The following HTR2C variants were observed in gnomAD, a reference collection of about 807,000 sequenced individuals.
HTR2C encodes 5-hydroxytryptamine receptor 2C.
In HTR2C, 5 loss-of-function variants were observed where a neutral mutation model predicts 21.0. The observed-to-expected ratio is 0.24, with a 90% CI of 0.12 to 0.50. HTR2C has a LOEUF of 0.50. Among genes scored for constraint, HTR2C ranks in the 20% least tolerant of loss-of-function variants. HTR2C has a pLI of 0.98. For synonymous variants in HTR2C, 150 were observed against 145.3 expected, an observed-to-expected ratio of 1.03 and a Z score of -0.23; for missense variants, 271 against 371.2, an observed-to-expected ratio of 0.73 and a Z score of 2.22.
chrX:114,663,558 A>G (rs1433603274), intron 2 of HTR2C, among the ~76,000 whole-genome samples: 1 of 111,416 alleles, frequency 9.0e-6, no homozygotes, highest in African/African-American at 3.3e-5. Flanking sequence ...AATTATTTTT[A>G]TCTCCCTATA....
At chrX:114,739,739 A>G (rs1229994054) in intron 4 of HTR2C, among the ~76,000 whole-genome samples, 1 of 112,036 alleles carries the variant, frequency 8.9e-6, no homozygotes, top group East Asian at 2.8e-4. Flanking sequence ...AATTCTTTAT[A>G]ACTGAAGTAG....
At chrX:114,791,650 A>G (rs968104895) in intron 4 of HTR2C, among the ~76,000 whole-genome samples, 4 of 111,155 alleles carry the variant, frequency 3.6e-5, no homozygotes, top group African/African-American at 1.3e-4. Flanking sequence ...TCATTCATTC[A>G]TTCAGATACT....
At chrX:114,871,188 G>T (rs2071089093) in intron 5 of HTR2C, among the ~76,000 whole-genome samples, 1 of 111,122 alleles carries the variant, frequency 9.0e-6, no homozygotes, top group African/African-American at 3.3e-5. Context: ...TGACCCACTG[G>T]TCATTCAGGA....
intron 2 of HTR2C, among the ~76,000 whole-genome samples, chrX:114,683,135 T>C (rs1931800005): frequency 8.9e-6 from 1 of 111,827 alleles, no homozygotes; most frequent in Non-Finnish European, 1.9e-5. Context: ...TTTGGAAACG[T>C]AGACTGTTTT....
intron 2 of HTR2C, among the ~76,000 whole-genome samples, chrX:114,646,008 TACTTGA>T (rs1330290455): frequency 8.9e-6 from 1 of 112,106 alleles, no homozygotes; most frequent in Non-Finnish European, 1.9e-5. Flanking sequence ...AGGATTTTTG[TACTTGA>T]ACTTAAAAGA....
intron 5 of HTR2C, among the ~76,000 whole-genome samples, chrX:114,865,560 A>G: frequency 9.0e-6 from 1 of 111,496 alleles, no homozygotes; most frequent in East Asian, 2.8e-4. Flanking sequence ...CAGGCTTACA[A>G]TTCTTGCTAT....
intron 5 of HTR2C, among the ~76,000 whole-genome samples, chrX:114,869,183 A>G (rs2071071899): frequency 9.0e-6 from 1 of 111,363 alleles, no homozygotes; most frequent in Non-Finnish European, 1.9e-5. Flanking sequence ...ATCCTTTTTT[A>G]TGGCTGCATA....
At chrX:114,663,541 T>G (rs1159266910) in intron 2 of HTR2C, among the ~76,000 whole-genome samples, 7 of 111,381 alleles carry the variant, frequency 6.3e-5, no homozygotes, top group African/African-American at 2.0e-4. Context: ...AATACACACT[T>G]GATAAAAATT....
rs183667196 is a variant in HTR2C at position 114,769,744 on chromosome X, T to G, written c.349+38137T>G. Among the ~76,000 whole-genome samples the G allele has an allele frequency of 5.2e-4, 58 of 111,762 alleles. 1 individual carries two copies. Among genetic ancestry groups the G allele is most frequent in the African/African-American group, 1.8e-3 (56 of 30,925 alleles). On this transcript the variant is annotated intron_variant, in intron 4 of 5. Transcript: ENST00000276198. ...ATCATTGTCATGCAAATTACATTTT[T>G]ATACATTATAATGCATCAAAATAGT...
chrX:114,752,622 G>C (rs2069771248), intron 4 of HTR2C, among the ~76,000 whole-genome samples: 1 of 110,821 alleles, frequency 9.0e-6, no homozygotes, highest in South Asian at 3.8e-4. Context: ...TTTGCATACA[G>C]ATTGGCAAAA....
intron 2 of HTR2C, among the ~76,000 whole-genome samples, chrX:114,709,172 G>C (rs1932855080): frequency 9.0e-6 from 1 of 111,525 alleles, no homozygotes; most frequent in Admixed American, 9.5e-5. Context: ...CTATTTCTTT[G>C]TTGTTAATTG....
chrX:114,733,869 C>T (rs1462169771), intron 4 of HTR2C, among the ~76,000 whole-genome samples: 1 of 110,570 alleles, frequency 9.0e-6, no homozygotes, highest in African/African-American at 3.3e-5. Context: ...TACCAAGCTA[C>T]TATAGAAAAA....
chrX:114,841,630 A>G (rs2070834591), intron 4 of HTR2C, among the ~76,000 whole-genome samples: 2 of 110,609 alleles, frequency 1.8e-5, no homozygotes, highest in Admixed American at 9.6e-5. Context: ...AGTCCCAGCT[A>G]CTTGGGAGGC....
At chrX:114,740,626 T>C (rs1444660344) in intron 4 of HTR2C, among the ~76,000 whole-genome samples, 1 of 111,707 alleles carries the variant, frequency 9.0e-6, no homozygotes, top group East Asian at 2.8e-4. Context: ...ATGGGATTTA[T>C]TTTTTAAAAT....
intron 2 of HTR2C, among the ~76,000 whole-genome samples, chrX:114,668,774 G>C (rs782622341): frequency 9.0e-6 from 1 of 111,046 alleles, no homozygotes; most frequent in Non-Finnish European, 1.9e-5. Flanking sequence ...AAATGGAAGA[G>C]AGATTATATA....
intron 4 of HTR2C, among the ~76,000 whole-genome samples, chrX:114,824,994 A>C (rs781873854): frequency 8.9e-6 from 1 of 112,025 alleles, no homozygotes; most frequent in South Asian, 3.7e-4. Flanking sequence ...GATAATTGAT[A>C]ATGTGTGGCT....
chrX:114,871,285 A>T (rs1344456049), intron 5 of HTR2C, among the ~76,000 whole-genome samples: 1 of 111,841 alleles, frequency 8.9e-6, no homozygotes, highest in African/African-American at 3.2e-5. Flanking sequence ...GTGGTCAAAG[A>T]TGCTTGATAT....
At chrX:114,712,197 T>C (rs1039095275) in intron 2 of HTR2C, among the ~76,000 whole-genome samples, 1 of 111,894 alleles carries the variant, frequency 8.9e-6, no homozygotes, top group Non-Finnish European at 1.9e-5. Flanking sequence ...TCTCATGAAA[T>C]ATAGAATCCC....
At chrX:114,741,099 T>G (rs1432828016) in intron 4 of HTR2C, among the ~76,000 whole-genome samples, 13 of 111,494 alleles carry the variant, frequency 1.2e-4, no homozygotes, top group Non-Finnish European at 2.1e-4. Context: ...ATACTTTGAA[T>G]TATGTCCTAG....
Sources: gnomAD v4.1 joint callset for allele counts (sites outside exome capture counted in the v4.1 genomes callset) on GRCh38, gnomAD v4.1.1 for gene constraint, MANE v1.5 for transcripts, NCBI Gene and HGNC (gene_info 2026-07-23, HGNC 2026-07-21) for gene names.